Variants in ZNF718 observed in about 807,000 individuals in gnomAD.
ZNF718 encodes the protein zinc finger protein 718.
ZNF718 carries 3 observed loss-of-function variants against 2.6 expected under a neutral mutation model. The observed-to-expected ratio is 1.16, with a 90% CI of 0.53 to 3.01. ZNF718 has a LOEUF of 3.01. Ranked by LOEUF, ZNF718 falls within the 30% of genes most tolerant of loss-of-function variation. The pLI is 0.03. For missense variants in ZNF718, 468 were observed against 230.0 expected (o/e 2.03, Z -6.69); for synonymous variants, 135 against 77.9 (o/e 1.73, Z -3.86).
At chr4:130,753 AAG>A (rs1332904659) in intron 1 of ZNF718, 33 bp from the exon 2 acceptor site, 5 of 311,532 alleles carry the variant, frequency 1.6e-5, no homozygotes, top group Non-Finnish European at 1.7e-5. Context: ...AAAAAAAAAA[AAG>A]AATTCTGTCA....
At chr4:147,976 A>G (rs1265307771) in intron 3 of ZNF718, among the ~76,000 whole-genome samples, 1 of 152,196 alleles carries the variant, frequency 6.6e-6, no homozygotes, top group African/African-American at 2.4e-5. Context: ...TAATCCAGTC[A>G]TTGGACAGGT....
chr4:166,213 G>A (rs1204190080), downstream of ZNF718, among the ~76,000 whole-genome samples: 4 of 152,190 alleles, frequency 2.6e-5, no homozygotes, highest in African/African-American at 7.2e-5. Flanking sequence ...GTATTCCATG[G>A]TGTATATGTG....
chr4:155,871 A>G (rs139269307), intron 3 of ZNF718, among the ~76,000 whole-genome samples: 1 of 152,158 alleles, frequency 6.6e-6, no homozygotes, highest in East Asian at 1.9e-4. Flanking sequence ...ATTTTGAATT[A>G]TAGCTCCCAT....
rs1553815369 is a variant in ZNF718 at position 161,798 on chromosome 4, A to G, written c.1113A>G (p.Glu371=). 3 of 780,876 alleles carry G rather than the reference A, an allele frequency of 3.8e-6. No individual in the cohort carries two copies. The South Asian group carries it at 4.0e-5, about 10-fold the overall frequency. 48.4% of individuals were successfully genotyped at this position (780,876 alleles called of 1,614,324 possible). Residue 371 remains glutamate (E), a synonymous_variant, in exon 4 of 4, where the codon GAA becomes GAG. Transcript: ENST00000510175. ...GAGAGAAACCCTACACATGTGAAGA[A>G]TGTGGAAAAGCCTTTAATTGGTCCT... ...HTGEKPYTCE[E]CGKAFNWSST...
At chr4:195,357 A>C (rs78369581) in intron 3 of ZNF718, among the ~76,000 whole-genome samples, 11,681 of 152,120 alleles carry the variant, frequency 0.077, 1,306 homozygotes, top group African/African-American at 0.25. Flanking sequence ...TACTGCATAC[A>C]CATTGTGGTT....
intron 3 of ZNF718, among the ~76,000 whole-genome samples, chr4:149,216 A>G (rs1284707631): frequency 3.9e-5 from 6 of 152,232 alleles, no homozygotes; most frequent in Non-Finnish European, 7.3e-5. Flanking sequence ...CCAAGTTTAC[A>G]CATTGTGTAA....
chr4:189,367 CT>C (rs1717648329), intron 3 of ZNF718, among the ~76,000 whole-genome samples: 1 of 151,922 alleles, frequency 6.6e-6, no homozygotes. Context: ...TGTGTACTTG[CT>C]TTTAAAAATA....
At chr4:156,639 G>A (rs1168175323) in intron 3 of ZNF718, among the ~76,000 whole-genome samples, 5 of 152,022 alleles carry the variant, frequency 3.3e-5, no homozygotes, top group South Asian at 2.1e-4. Context: ...GTTTTCTGGC[G>A]CTTTGCAAAA....
chr4:164,533 C>T (rs1224373011), downstream of ZNF718, among the ~76,000 whole-genome samples: 1 of 152,014 alleles, frequency 6.6e-6, no homozygotes, highest in Non-Finnish European at 1.5e-5. Flanking sequence ...TGATATAATT[C>T]ACTTGTTTCT....
intron 3 of ZNF718, among the ~76,000 whole-genome samples, chr4:154,940 G>T (rs940819959): frequency 2.2e-4 from 33 of 152,166 alleles, no homozygotes; most frequent in Admixed American, 1.5e-3. Flanking sequence ...TTTATGGGTT[G>T]GGCCTAGGCC....
rs140391894 is a variant in ZNF718, at chr4:126,450, A to G, written c.3+1777A>G. Among the ~76,000 whole-genome samples the G allele has an allele frequency of 6.0e-4, 91 of 152,312 alleles. No homozygotes were observed. In the South Asian group the frequency reaches 0.018, roughly 29 times the overall value. On this transcript the variant is annotated intron_variant, in intron 1 of 3. Coordinates refer to ENST00000510175, the MANE Select transcript of ZNF718 (RefSeq NM_001039127.6). ...TGTCTTTATCTAGGACTTGGGAACT[A>G]TTGCTTTGAAATGTGAATAGCAAGA...
chr4:129,789 CAA>C lies in ZNF718; in HGVS notation c.4-998_4-997del, dbSNP rs1367248451. 2.1e-5 allele frequency among the ~76,000 whole-genome samples: 2 copies of C among 96,946 alleles called. 1 individual carries two copies. The highest frequency in any genetic ancestry group is 4.5e-5 in the Non-Finnish European group (2 of 44,328). The allele number at this position is 96,946 out of a possible 152,430, so 63.6% of individuals were successfully genotyped here. On this transcript the variant is annotated intron_variant, in intron 1 of 3. Coordinates refer to ENST00000510175, the MANE Select transcript of ZNF718 (RefSeq NM_001039127.6). ...TATTCTACGCATTTAAAAAAAAAAA[CAA>C]TGATAAGAAAACAGAAGAACAAATA...
intron 1 of ZNF718, among the ~76,000 whole-genome samples, chr4:126,173 C>G (rs539742863): frequency 6.6e-6 from 1 of 152,226 alleles, no homozygotes; most frequent in Non-Finnish European, 1.5e-5. Context: ...AAGTTCATCC[C>G]TTACGTGCCT....
In ZNF718 at chr4:161,883, T is replaced by G. The variant is rs377148270; in HGVS notation, c.1198T>G (p.Cys400Gly). 4 of 780,572 alleles carry G rather than the reference T, an allele frequency of 5.1e-6. No individual in the cohort carries two copies. The African/African-American group carries it at 6.8e-5, about 13-fold the overall frequency. 48.4% of individuals were successfully genotyped at this position (780,572 alleles called of 1,614,324 possible). ...SGKNPYKCED[C>G]GKAFKVFANL... ...AAAAAATCCCTACAAATGTGAAGATTGTGGCAAAGCCTTTAAAGTGTTTGC... is the reference window on the plus strand; with the variant it reads ...AAAAAATCCCTACAAATGTGAAGATGGTGGCAAAGCCTTTAAAGTGTTTGC... Residue 400 changes from cysteine (C) to glycine (G), a missense_variant, in exon 4 of 4, where the codon TGT becomes GGT. Cys to Gly is a radical substitution (Grantham distance 159). Coordinates refer to ENST00000510175, the MANE Select transcript of ZNF718 (RefSeq NM_001039127.6).
intron 3 of ZNF718, among the ~76,000 whole-genome samples, chr4:156,300 G>A (rs1716564905): frequency 6.6e-6 from 1 of 152,030 alleles, no homozygotes; most frequent in African/African-American, 2.4e-5. Context: ...TTGTATACTT[G>A]CTCTGTTTGT....
Position 128,280 on chromosome 4 carries a change from G to A in ZNF718, c.4-2508G>A, listed in dbSNP as rs1167483986. On this transcript the variant is annotated intron_variant, in intron 1 of 3. Transcript: ENST00000510175. Reference sequence around the variant, plus strand: ...CATCTTAAGCCCCATTTTTAGAGTGGGGCCCTTTGAGTTTTCCAGATCTTG... The same window carrying A: ...CATCTTAAGCCCCATTTTTAGAGTGAGGCCCTTTGAGTTTTCCAGATCTTG... Among the ~76,000 whole-genome samples, 3 of 103,362 alleles carry A rather than the reference G, an allele frequency of 2.9e-5. 1 individual carries two copies. The highest frequency in any genetic ancestry group is 1.0e-4 in the African/African-American group (3 of 29,692). 67.8% of individuals were successfully genotyped at this position (103,362 alleles called of 152,430 possible). A position where few individuals can be genotyped will look rare whatever the true frequency, so the allele number is the denominator to read the frequency against.
Position 130,889 on chromosome 4 carries a change from G to T in ZNF718, c.105G>T (p.Glu35Asp). ...ATTTATATAGAGATGTGATGTTGGA[G>T]AACTACAGAAACCTGGTCTCCCTGG... ...QQNLYRDVML[E>D]NYRNLVSLGV... Residue 35 changes from glutamate to aspartate, a missense_variant, in exon 2 of 4, where the codon GAG (glutamate) becomes GAT (aspartate). Coordinates refer to ENST00000510175, the MANE Select transcript of ZNF718 (RefSeq NM_001039127.6). 2.7e-6 allele frequency: 1 copy of T among 366,106 alleles called. No homozygotes were observed. The highest frequency in any genetic ancestry group is 4.9e-6 in the Non-Finnish European group (1 of 204,310). 22.7% of individuals were successfully genotyped at this position (366,106 alleles called of 1,614,324 possible).
intron 3 of ZNF718, among the ~76,000 whole-genome samples, chr4:200,035 T>C (rs1220023092): frequency 6.6e-6 from 1 of 152,238 alleles, no homozygotes; most frequent in Non-Finnish European, 1.5e-5. Context: ...TGTTTGCCAG[T>C]ATGACTAGTC....
chr4:149,820 T>C (rs1464323934), intron 3 of ZNF718: 2 of 152,194 alleles, frequency 1.3e-5, no homozygotes, highest in Non-Finnish European at 2.9e-5. Context: ...CAAACACTTT[T>C]GCAATTTGCA....
Sources: allele counts gnomAD v4.1 joint callset (sites outside exome capture counted in the v4.1 genomes callset), GRCh38; gene constraint gnomAD v4.1.1; transcripts MANE v1.5; gene names NCBI Gene and HGNC (gene_info 2026-07-23, HGNC 2026-07-21).